CACNA1H: variants seen among roughly 807,000 people sequenced by gnomAD.
CACNA1H encodes voltage-dependent T-type calcium channel subunit alpha-1H.
Under a neutral mutation model 192.5 loss-of-function variants are expected in CACNA1H, and 149 were observed. The ratio of observed to expected loss-of-function variants is 0.77; its 90% confidence interval spans 0.68 to 0.89. The LOEUF is 0.89. Ranked by LOEUF, CACNA1H falls within the 40% of genes least tolerant of loss-of-function variation. The pLI, the probability that CACNA1H is intolerant of heterozygous loss-of-function variation, is 0.00. For missense variants in CACNA1H, 4,257 were observed against 3,423.5 expected, an observed-to-expected ratio of 1.24 and a Z score of -6.08; for synonymous variants, 2,202 against 1,475.2, an observed-to-expected ratio of 1.49 and a Z score of -11.29.
In CACNA1H at chr16:1,212,155, G is replaced by T. The variant is rs1221457861; in HGVS notation, c.4759+17G>T. 1 of 1,590,272 alleles carries T rather than the reference G, an allele frequency of 6.3e-7. No homozygotes were observed. The highest frequency in any genetic ancestry group is 2.2e-5 in the East Asian group (1 of 44,680). ...GGCGCAGGAGTAAGGCGCTCCCGGT[G>T]GCGGTGGCGGTGGCGGGTCGGTACC... is the stretch of plus-strand genomic sequence containing the variant. On this transcript the variant is annotated intron_variant, in intron 25 of 34. Transcript: ENST00000348261.
chr16:1,202,085 C>G lies in CACNA1H; in HGVS notation c.1635C>G (p.Ala545=). 1 of 1,542,770 alleles carries G rather than the reference C, an allele frequency of 6.5e-7. No homozygotes were observed. The highest frequency in any genetic ancestry group is 8.7e-7 in the Non-Finnish European group (1 of 1,145,150). ...GCAGGCCCGGCCCCGAGCCAGGCGC[C>G]TGCGACACCAGGCTGGTCCGAGCTG... ...SPRRPGPEPG[A]CDTRLVRAGA... is the part of the protein sequence containing the mutation. Residue 545 remains alanine, a synonymous_variant, in exon 9 of 35, where the codon GCC becomes GCG. Coordinates refer to ENST00000348261, the MANE Select transcript of CACNA1H (RefSeq NM_021098.3).
intron 2 of CACNA1H, 60 bp downstream of exon 2, chr16:1,154,096 G>A: frequency 9.8e-7 from 1 of 1,019,698 alleles, no homozygotes; most frequent in Non-Finnish European, 1.3e-6. Context: ...TGGGGGCCCG[G>A]GGCGCGGGAC....
At chr16:1,213,310 G>A (rs537840945) in intron 26 of CACNA1H, among the ~76,000 whole-genome samples, 1 of 152,210 alleles carries the variant, frequency 6.6e-6, no homozygotes. Flanking sequence ...CCCTTCATCA[G>A]TGTCTCAGCC....
Position 1,180,734 on chromosome 16 carries a change from G to A in CACNA1H, c.300-14238G>A, listed in dbSNP as rs1443791892. 2.0e-5 allele frequency among the ~76,000 whole-genome samples: 3 copies of A among 152,156 alleles called. No individual in the cohort carries two copies. The highest frequency in any genetic ancestry group is 4.4e-5 in the Non-Finnish European group (3 of 67,994). ...GGAGAGTGCAGGGTGTGCAGCGGGG[G>A]CTGGGATGCCGCCGAATAGGGGCCT... On this transcript the variant is annotated intron_variant, in intron 2 of 34. Transcript: ENST00000348261. The surrounding 1 kb of genome is among the most constrained non-coding windows in gnomAD (Gnocchi z 4.4).
At chr16:1,192,214 C>G (rs1219208342) in intron 2 of CACNA1H, among the ~76,000 whole-genome samples, 1 of 152,226 alleles carries the variant, frequency 6.6e-6, no homozygotes, top group Non-Finnish European at 1.5e-5. Flanking sequence ...CCCTCGCTGC[C>G]AGTCACAAAG....
intron 4 of CACNA1H, 45 bp downstream of exon 4, chr16:1,195,610 C>G: frequency 6.4e-7 from 1 of 1,564,328 alleles, no homozygotes; most frequent in Non-Finnish European, 8.7e-7. Context: ...GAAGGGGCCC[C>G]GCCCACCCCA....
At chr16:1,168,327 G>A (rs1489400236) in intron 2 of CACNA1H, among the ~76,000 whole-genome samples, 2 of 151,998 alleles carry the variant, frequency 1.3e-5, no homozygotes, top group African/African-American at 4.8e-5. Flanking sequence ...TCCCAAAGCA[G>A]GAAGGTCTGA....
intron 2 of CACNA1H, among the ~76,000 whole-genome samples, chr16:1,194,158 C>G (rs1052404811): frequency 5.3e-5 from 8 of 151,884 alleles, no homozygotes; most frequent in African/African-American, 1.9e-4. Flanking sequence ...AAGTCCAGAG[C>G]CAGGGGTGGG....
At chr16:1,159,466 G>A (rs1962892593) in intron 2 of CACNA1H, 2 of 152,880 alleles carry the variant, frequency 1.3e-5, no homozygotes, top group African/African-American at 4.8e-5. Flanking sequence ...TGGGGAGGAG[G>A]TCTGGGCGCG....
At chr16:1,217,497 G>A (rs907271012) in intron 31 of CACNA1H, among the ~76,000 whole-genome samples, 2 of 152,154 alleles carry the variant, frequency 1.3e-5, no homozygotes, top group Admixed American at 6.5e-5. Context: ...CCCCTGCCGG[G>A]TTCCACTTCA....
chr16:1,214,368 G>A (rs1969820226), intron 27 of CACNA1H, among the ~76,000 whole-genome samples: 1 of 152,240 alleles, frequency 6.6e-6, no homozygotes, highest in Non-Finnish European at 1.5e-5. Flanking sequence ...GTAAGCTTTT[G>A]AGGCTGAACA....
chr16:1,215,253 T>C lies in CACNA1H; in HGVS notation c.5051T>C (p.Leu1684Pro). ...RRFFKDRWNQ[L>P]DLAIVLLSLM... is the part of the protein sequence containing the mutation. The stretch of plus-strand genomic sequence containing the variant: ...CTCCGGCCACACAGGTGGAACCAGC[T>C]GGACCTGGCCATCGTGCTGCTGTCA... Residue 1684 changes from leucine (L) to proline (P), a missense_variant, in exon 29 of 35, where the codon CTG becomes CCG. Transcript: ENST00000348261. 6.2e-7 allele frequency: 1 copy of C among 1,604,708 alleles called. No individual in the cohort carries two copies. The highest frequency in any genetic ancestry group is 8.5e-7 in the Non-Finnish European group (1 of 1,175,680).
chr16:1,181,279 G>A (rs918651312), intron 2 of CACNA1H, among the ~76,000 whole-genome samples: 8 of 152,356 alleles, frequency 5.3e-5, no homozygotes, highest in South Asian at 4.1e-4. Flanking sequence ...GCTCTCACCC[G>A]GCATGGCCGG....
At chr16:1,217,816 A>G (rs775126465) in intron 31 of CACNA1H, 103 bp from the exon 32 acceptor site, 19 of 1,411,854 alleles carry the variant, frequency 1.3e-5, no homozygotes, top group Middle Eastern at 4.5e-4. Flanking sequence ...CCTCCGGGCT[A>G]TCCTGCCTCT....
rs2745137 is a variant in CACNA1H at position 1,219,740 on chromosome 16, A to G, written c.6049-241A>G. On this transcript the variant is annotated intron_variant, in intron 34 of 34. Coordinates refer to ENST00000348261, the MANE Select transcript of CACNA1H (RefSeq NM_021098.3). ...CCTCAGCTCTGTGCCCCTGGGGGCCATGGCATCTCTGCCCACAGAGCAGCG... is the reference window on the plus strand; with the variant it reads ...CCTCAGCTCTGTGCCCCTGGGGGCCGTGGCATCTCTGCCCACAGAGCAGCG... Among the ~76,000 whole-genome samples, 99,007 of 152,128 alleles carry G rather than the reference A, an allele frequency of 0.65. 32,739 individuals carry two copies. The highest frequency in any genetic ancestry group is 0.88 in the East Asian group (4,536 of 5,170).
Position 1,201,914 on chromosome 16 carries a change from G to A in CACNA1H, c.1464G>A (p.Lys488=), listed in dbSNP as rs1967974749. 1.3e-6 allele frequency: 2 copies of A among 1,550,244 alleles called. No individual in the cohort carries two copies. The highest frequency in any genetic ancestry group is 1.7e-6 in the Non-Finnish European group (2 of 1,146,988). ...LYARWQSRWR[K]KVDPSAVQGQ... is the part of the protein sequence containing the mutation. ...CCCGCTGGCAGAGCCGCTGGCGCAA[G>A]AAGGTGGACCCCAGTGCTGTGCAAG... is the stretch of plus-strand genomic sequence containing the variant. The change falls in exon 9 of 35, where the codon AAG becomes AAA. Residue 488 remains lysine (K), a synonymous_variant. Transcript: ENST00000348261.
chr16:1,213,080 C>G (rs1969647455), intron 26 of CACNA1H, among the ~76,000 whole-genome samples: 1 of 152,224 alleles, frequency 6.6e-6, no homozygotes, highest in Non-Finnish European at 1.5e-5. Context: ...GCTGAGCATT[C>G]AGTGCACACC....
intron 2 of CACNA1H, among the ~76,000 whole-genome samples, chr16:1,182,719 C>T (rs140595741): frequency 1.6e-4 from 25 of 152,252 alleles, no homozygotes; most frequent in Non-Finnish European, 2.6e-4. Context: ...TGGGAGAGGC[C>T]AGGGTTGAGG....
At chr16:1,200,149 G>GCC (rs1967652264) in intron 6 of CACNA1H, 107 bp from the exon 7 acceptor site, 2 of 893,166 alleles carry the variant, frequency 2.2e-6, no homozygotes, top group Non-Finnish European at 3.2e-6. Context: ...CCCTGACCCT[G>GCC]ATCACGTCCC....
Sources: allele counts gnomAD v4.1 joint callset (sites outside exome capture counted in the v4.1 genomes callset), GRCh38; gene constraint gnomAD v4.1.1; non-coding constraint Gnocchi (gnomAD v3.1); transcripts MANE v1.5; gene names NCBI Gene and HGNC (gene_info 2026-07-23, HGNC 2026-07-21).